USP13: variants seen among roughly 807,000 people sequenced by gnomAD.
USP13 encodes the protein ubiquitin specific peptidase 13, also known as ubiquitin carboxyl-terminal hydrolase 13.
A neutral mutation model predicts 107.8 loss-of-function variants in USP13; 68 were observed. The observed-to-expected ratio is 0.63, with a 90% CI of 0.52 to 0.77. The LOEUF is 0.77. USP13 is among the 30% of genes least tolerant of loss of function. The probability of loss-of-function intolerance (pLI) is 0.00; values close to 1 mark genes in which losing one functional copy is unlikely to be tolerated. For synonymous variants in USP13, 377 were observed against 389.5 expected, an observed-to-expected ratio of 0.97 and a Z score of 0.38; for missense variants, 945 against 1,093.3, an observed-to-expected ratio of 0.86 and a Z score of 1.91.
At chr3:179,768,177 T>C (rs1167799970) in intron 19 of USP13, among the ~76,000 whole-genome samples, 1 of 152,212 alleles carries the variant, frequency 6.6e-6, no homozygotes, top group Non-Finnish European at 1.5e-5. Flanking sequence ...TTGGAGAGGA[T>C]GAGTCCCTGC....
chr3:179,752,008 G>A (rs1042718468), intron 13 of USP13, among the ~76,000 whole-genome samples: 3 of 152,200 alleles, frequency 2.0e-5, no homozygotes, highest in Non-Finnish European at 2.9e-5. Context: ...CTCCCAAAGT[G>A]CTGGGATTAC....
chr3:179,658,530 T>C (rs1408889500), intron 1 of USP13, among the ~76,000 whole-genome samples: 2 of 152,208 alleles, frequency 1.3e-5, no homozygotes, highest in Non-Finnish European at 2.9e-5. Context: ...AGGCAGTTTA[T>C]TTTGGAAAGT....
At position 179,678,478 on chromosome 3, in the gene USP13, A is replaced by AT. The variant is rs11402001; in HGVS notation, c.169-3388dup. 0.29 allele frequency among the ~76,000 whole-genome samples: 43,406 copies of AT among 147,736 alleles called. 6,428 individuals are homozygous for AT. The highest frequency in any genetic ancestry group is 0.34 in the African/African-American group (13,657 of 40,416). ...ATAATTATAAGCTTTTTTGGATGCT[A>AT]TTTTTTTTTTTTGAGACAGGGTCTC... is the stretch of plus-strand genomic sequence containing the variant. On this transcript the variant is annotated intron_variant, in intron 1 of 20. Transcript: ENST00000263966. This position sits in a 1 kb window ranked among gnomAD's most constrained non-coding sequence, Gnocchi z 4.2.
intron 13 of USP13, among the ~76,000 whole-genome samples, chr3:179,750,094 A>T (rs955490095): frequency 6.6e-6 from 1 of 151,670 alleles, no homozygotes; most frequent in Non-Finnish European, 1.5e-5. Context: ...GTGAAACCCC[A>T]TCTCTACTAA....
chr3:179,746,310 G>A (rs7641971), intron 13 of USP13, among the ~76,000 whole-genome samples: 61,241 of 150,100 alleles, frequency 0.41, 13,576 homozygotes, highest in East Asian at 0.65. Context: ...CTGGAGTGCA[G>A]TGGCATGATC....
At chr3:179,679,926 A>G (rs914771507) in intron 1 of USP13, among the ~76,000 whole-genome samples, 35 of 151,768 alleles carry the variant, frequency 2.3e-4, no homozygotes, top group African/African-American at 7.5e-4. Flanking sequence ...TGTAATCCCA[A>G]CACTTTAGGA....
At position 179,771,683 on chromosome 3, in the gene USP13, A is replaced by G. The variant is rs968551104; in HGVS notation, c.2413+5835A>G. Among the ~76,000 whole-genome samples the G allele has an allele frequency of 1.2e-4, 18 of 152,200 alleles. 1 individual carries two copies. Among genetic ancestry groups the G allele is most frequent in the Admixed American group, 3.9e-4 (6 of 15,288 alleles). ...GTCGTGGCTACTGGGACTTTGTCAC[A>G]CCAGGTTAACACTGAAATAATAAGG... On this transcript the variant is annotated intron_variant, in intron 19 of 20. Transcript: ENST00000263966.
In USP13 at chr3:179,721,156, A is replaced by G. The variant is rs1237449233; in HGVS notation, c.901-246A>G. ...TGTGTTTTAAAAATTGTGGTACAAT[A>G]TATATAATATAAAAGCTACCATTTT... On this transcript the variant is annotated intron_variant, in intron 7 of 20. Transcript: ENST00000263966. The surrounding 1 kb of genome is among the most constrained non-coding windows in gnomAD (Gnocchi z 4.3). 6.6e-6 allele frequency among the ~76,000 whole-genome samples: 1 copy of G among 152,152 alleles called. No individual in the cohort carries two copies. Among genetic ancestry groups the G allele is most frequent in the Non-Finnish European group, 1.5e-5 (1 of 68,034 alleles).
intron 10 of USP13, among the ~76,000 whole-genome samples, chr3:179,736,087 A>G (rs1056904762): frequency 1.3e-5 from 2 of 152,140 alleles, no homozygotes; most frequent in African/African-American, 4.8e-5. Flanking sequence ...AAAATTAACA[A>G]CCATCCCTTA....
At chr3:179,743,094 C>T (rs979197086) in intron 12 of USP13, among the ~76,000 whole-genome samples, 1 of 152,202 alleles carries the variant, frequency 6.6e-6, no homozygotes. Flanking sequence ...GGAATGAGAT[C>T]ATGTCCTTTG....
intron 4 of USP13, among the ~76,000 whole-genome samples, chr3:179,703,718 G>C (rs1329211586): frequency 6.6e-6 from 1 of 152,168 alleles, no homozygotes; most frequent in Non-Finnish European, 1.5e-5. Context: ...ATTGGTAGTA[G>C]CAGACCATTG....
At chr3:179,691,751 G>C (rs1252763552) in intron 3 of USP13, among the ~76,000 whole-genome samples, 2 of 152,134 alleles carry the variant, frequency 1.3e-5, no homozygotes, top group Non-Finnish European at 2.9e-5. Flanking sequence ...AATAATGATG[G>C]CTCTAGTGTT....
intron 1 of USP13, among the ~76,000 whole-genome samples, chr3:179,663,512 C>G (rs1284689727): frequency 6.6e-6 from 1 of 152,208 alleles, no homozygotes; most frequent in Admixed American, 6.5e-5. Context: ...CCTCCTCTCT[C>G]CCTTGCACTG....
intron 1 of USP13, among the ~76,000 whole-genome samples, chr3:179,670,940 G>A (rs1433895729): frequency 6.6e-6 from 1 of 151,962 alleles, no homozygotes; most frequent in Non-Finnish European, 1.5e-5. Context: ...CAGGTGATCC[G>A]TCTGTCTCGG....
At chr3:179,711,857 A>T (rs907708783) in intron 6 of USP13, among the ~76,000 whole-genome samples, 9 of 152,240 alleles carry the variant, frequency 5.9e-5, no homozygotes, top group Non-Finnish European at 1.2e-4. Flanking sequence ...ATGGTAACAT[A>T]GTCATTTATT....
intron 1 of USP13, among the ~76,000 whole-genome samples, chr3:179,677,161 T>G (rs543700913): frequency 6.6e-6 from 1 of 151,138 alleles, no homozygotes; most frequent in Non-Finnish European, 1.5e-5. Context: ...CCCGGCCACC[T>G]GTTGATGTTA....
intron 11 of USP13, among the ~76,000 whole-genome samples, chr3:179,740,580 T>C (rs768020869): frequency 6.2e-4 from 94 of 152,260 alleles, no homozygotes; most frequent in Admixed American, 2.0e-3. Context: ...TCCAGACACT[T>C]GTGGATCTCT....
In USP13 at chr3:179,682,514, T is replaced by C. The variant is rs557186711; in HGVS notation, c.294+511T>C. On this transcript the variant is annotated intron_variant, in intron 2 of 20. Coordinates refer to ENST00000263966, the MANE Select transcript of USP13 (RefSeq NM_003940.3). ...ATGCATATTCAAGAACAATATATAG[T>C]ATAACTTTATATGTTTTAAAGATGT... Among the ~76,000 whole-genome samples the C allele has an allele frequency of 1.1e-3, 175 of 152,324 alleles. 2 individuals carry two copies. The highest frequency in any genetic ancestry group is 4.0e-3 in the African/African-American group (167 of 41,586).
chr3:179,758,986 AT>A (rs1259446695), intron 16 of USP13, among the ~76,000 whole-genome samples: 1 of 149,322 alleles, frequency 6.7e-6, no homozygotes, highest in Non-Finnish European at 1.5e-5. Flanking sequence ...GGAATTACAC[AT>A]TTCTTTTTTT....
Sources: gnomAD v4.1 joint callset for allele counts (sites outside exome capture counted in the v4.1 genomes callset) on GRCh38, gnomAD v4.1.1 for gene constraint, Gnocchi (gnomAD v3.1) non-coding constraint, MANE v1.5 for transcripts, NCBI Gene and HGNC (gene_info 2026-07-23, HGNC 2026-07-21) for gene names.